Variants in SLC26A8 observed in about 807,000 individuals in gnomAD.
SLC26A8 encodes the protein testis anion transporter 1.
In SLC26A8, 70 loss-of-function variants were observed where a neutral mutation model predicts 105.0. The ratio of observed to expected loss-of-function variants is 0.67; its 90% confidence interval spans 0.55 to 0.81. SLC26A8 has a LOEUF of 0.81. SLC26A8 is among the 40% of genes least tolerant of loss of function. The probability of loss-of-function intolerance (pLI) is 0.00; values close to 1 mark genes in which losing one functional copy is unlikely to be tolerated. For synonymous variants in SLC26A8, 415 were observed against 438.3 expected (o/e 0.95, Z 0.66); for missense variants, 998 against 1,181.8 (o/e 0.84, Z 2.28).
chr6:36,018,214 T>C (rs2127375589), intron 2 of SLC26A8, among the ~76,000 whole-genome samples: 1 of 152,338 alleles, frequency 6.6e-6, no homozygotes, highest in South Asian at 2.1e-4. Context: ...TGTGCCAATG[T>C]TCATGGCAGC....
chr6:36,009,259 G>A (rs1026184294), intron 3 of SLC26A8, among the ~76,000 whole-genome samples: 28 of 152,154 alleles, frequency 1.8e-4, no homozygotes, highest in Non-Finnish European at 2.9e-4. Context: ...GCTGAGGCAG[G>A]AGAATTGCTT....
chr6:35,948,178 A>G (rs1016818021), intron 19 of SLC26A8, among the ~76,000 whole-genome samples: 1 of 152,202 alleles, frequency 6.6e-6, no homozygotes, highest in African/African-American at 2.4e-5. Flanking sequence ...AAAGATTCAA[A>G]AGTTGGTTTG....
intron 7 of SLC26A8, among the ~76,000 whole-genome samples, chr6:35,990,064 A>G (rs1203570556): frequency 2.0e-5 from 3 of 147,850 alleles, no homozygotes; most frequent in African/African-American, 7.5e-5. Context: ...CAGTCTCCTG[A>G]GTAGCTGGGA....
At chr6:35,985,064 G>A (rs771325050) in intron 7 of SLC26A8, among the ~76,000 whole-genome samples, 22 of 152,054 alleles carry the variant, frequency 1.4e-4, no homozygotes, top group Non-Finnish European at 2.8e-4. Flanking sequence ...CCAGACATTC[G>A]TCTCTATTGA....
intron 14 of SLC26A8, 25 bp from the exon 15 acceptor site, chr6:35,959,831 G>A (rs1298803836): frequency 6.5e-7 from 1 of 1,545,410 alleles, no homozygotes; most frequent in Non-Finnish European, 8.9e-7. Context: ...GTGAAGTTGA[G>A]GGAAATTTCT....
At chr6:35,962,363 C>T (rs1302628955) in intron 12 of SLC26A8, among the ~76,000 whole-genome samples, 163 bp downstream of exon 12, 1 of 152,114 alleles carries the variant, frequency 6.6e-6, no homozygotes, top group Non-Finnish European at 1.5e-5. Context: ...TTTTCATGTA[C>T]CAACAACCTT....
At chr6:35,959,866 A>G (rs1562023341) in intron 14 of SLC26A8, 60 bp from the exon 15 acceptor site, 3 of 1,277,284 alleles carry the variant, frequency 2.3e-6, no homozygotes, top group Non-Finnish European at 3.4e-6. Context: ...AATAAGAATA[A>G]TATATCCTTA....
chr6:35,947,273 C>T (rs184424993), intron 19 of SLC26A8, among the ~76,000 whole-genome samples: 11 of 152,192 alleles, frequency 7.2e-5, no homozygotes, highest in East Asian at 3.9e-4. Flanking sequence ...TCAAGTGATC[C>T]GCCTTCCTTG....
chr6:36,001,871 T>C (rs979774829), intron 3 of SLC26A8, among the ~76,000 whole-genome samples: 5 of 152,174 alleles, frequency 3.3e-5, no homozygotes, highest in Admixed American at 3.3e-4. Flanking sequence ...TGGAAGCAGA[T>C]CCTCCAGCCT....
intron 19 of SLC26A8, among the ~76,000 whole-genome samples, chr6:35,949,357 A>C (rs958969055): frequency 3.3e-5 from 5 of 152,000 alleles, no homozygotes; most frequent in African/African-American, 9.7e-5. Flanking sequence ...GCTTGAACCC[A>C]GGAGGCAGAG....
Position 35,951,148 on chromosome 6 carries a change from G to T in SLC26A8, c.2472+15C>A. ...ATCCCTTCCCCCAACCTCATGCTTTGTCGGTTTGTCTGACCTTGTCTGTTT... is the reference window on the plus strand; with the variant it reads ...ATCCCTTCCCCCAACCTCATGCTTTTTCGGTTTGTCTGACCTTGTCTGTTT... On this transcript the variant is annotated intron_variant, in intron 19 of 19. Transcript: ENST00000490799. The T allele has an allele frequency of 2.0e-6, 3 of 1,529,182 alleles. No individual in the cohort carries two copies. Among genetic ancestry groups the T allele is most frequent in the Middle Eastern group, 1.9e-4 (1 of 5,144 alleles). 94.7% of individuals were successfully genotyped at this position (1,529,182 alleles called of 1,614,324 possible). A position where few individuals can be genotyped will look rare whatever the true frequency, so the allele number is the denominator to read the frequency against.
chr6:35,958,655 T>G (rs915057771), intron 16 of SLC26A8, among the ~76,000 whole-genome samples: 1 of 152,102 alleles, frequency 6.6e-6, no homozygotes, highest in African/African-American at 2.4e-5. Flanking sequence ...TCCATTAGAA[T>G]GTATGGGAAC....
intron 17 of SLC26A8, among the ~76,000 whole-genome samples, chr6:35,952,499 G>A (rs1183231337): frequency 6.6e-6 from 1 of 152,110 alleles, no homozygotes; most frequent in Non-Finnish European, 1.5e-5. Context: ...TAATACTTAA[G>A]ACTAAGTAGA....
chr6:35,956,936 A>C (rs1277327774), intron 16 of SLC26A8, among the ~76,000 whole-genome samples: 1 of 150,782 alleles, frequency 6.6e-6, no homozygotes, highest in African/African-American at 2.4e-5. Context: ...AAAAAAAAAA[A>C]ACAAAAGCTG....
rs894704373 is a variant in SLC26A8 at position 36,000,121 on chromosome 6, A to G, written c.329-13T>C. 3.8e-6 allele frequency: 6 copies of G among 1,567,024 alleles called. No individual in the cohort carries two copies. The highest frequency in any genetic ancestry group is 1.7e-4 in the Middle Eastern group (1 of 5,964). On this transcript the variant is annotated splice_polypyrimidine_tract_variant and intron_variant, in intron 3 of 19. Transcript: ENST00000490799. ...CTAAGTGTCAGGCCTGAAAAACAAGATAATTTAAGAAAAAGCAGCTTGTCT... is the reference window on the plus strand; with the variant it reads ...CTAAGTGTCAGGCCTGAAAAACAAGGTAATTTAAGAAAAAGCAGCTTGTCT...
At chr6:35,951,100 C>CACCCAAACCCCCACAGCCCACAA in intron 19 of SLC26A8, 63 bp downstream of exon 19, 10 of 1,364,754 alleles carry the variant, frequency 7.3e-6, no homozygotes, top group African/African-American at 1.4e-5. Context: ...AACCACCCCT[C>CACCCAAACCCCCACAGCCCACAA]ACCCATCCCC....
At chr6:36,008,412 G>T (rs1420857821) in intron 3 of SLC26A8, among the ~76,000 whole-genome samples, 3 of 152,180 alleles carry the variant, frequency 2.0e-5, no homozygotes, top group Non-Finnish European at 2.9e-5. Flanking sequence ...AAGATATGAG[G>T]ATAGCAAGTT....
chr6:36,024,472 C>T (rs1182424081), intron 1 of SLC26A8, 32 bp downstream of exon 1: 5 of 448,970 alleles, frequency 1.1e-5, no homozygotes, highest in African/African-American at 2.0e-5. Context: ...CTGCAGCCCC[C>T]GGCGCCCAGG....
intron 1 of SLC26A8, among the ~76,000 whole-genome samples, chr6:36,020,903 A>G (rs755246616): frequency 6.6e-6 from 1 of 152,230 alleles, no homozygotes; most frequent in Non-Finnish European, 1.5e-5. Flanking sequence ...TTAATGTGTC[A>G]GCAACTTTGT....
Sources: gnomAD v4.1 joint callset for allele counts (sites outside exome capture counted in the v4.1 genomes callset) on GRCh38, gnomAD v4.1.1 for gene constraint, MANE v1.5 for transcripts, NCBI Gene and HGNC (gene_info 2026-07-23, HGNC 2026-07-21) for gene names.